Variants in RIMS2 observed in about 807,000 individuals in gnomAD.
RIMS2 encodes regulating synaptic membrane exocytosis 2, also known as regulating synaptic membrane exocytosis protein 2.
Under a neutral mutation model 174.4 loss-of-function variants are expected in RIMS2, and 59 were observed. The ratio of observed to expected loss-of-function variants is 0.34; its 90% CI spans 0.27 to 0.42. The LOEUF (loss-of-function observed/expected upper bound fraction) is 0.42. RIMS2 is among the 10% of genes least tolerant of loss of function. The pLI is 1.00. For missense variants in RIMS2, 1,620 were observed against 1,666.3 expected (o/e 0.97, Z 0.48); for synonymous variants, 606 against 572.5 (o/e 1.06, Z -0.84).
At chr8:104,072,278 A>T (rs1237382303) in intron 19 of RIMS2, among the ~76,000 whole-genome samples, 1 of 152,154 alleles carries the variant, frequency 6.6e-6, no homozygotes, top group Non-Finnish European at 1.5e-5. Context: ...AAAATTTTCA[A>T]CATCATTTCT....
intron 19 of RIMS2, among the ~76,000 whole-genome samples, chr8:104,125,545 T>C (rs1015283646): frequency 6.6e-6 from 1 of 152,166 alleles, no homozygotes; most frequent in Non-Finnish European, 1.5e-5. Flanking sequence ...TTGAGTAAAG[T>C]GTTAGTAAAT....
chr8:103,813,183 A>C (rs2098699371), intron 3 of RIMS2, among the ~76,000 whole-genome samples: 1 of 152,172 alleles, frequency 6.6e-6, no homozygotes, highest in African/African-American at 2.4e-5. Flanking sequence ...TGAAAACTAA[A>C]CCTAGCCTGT....
At chr8:103,741,801 C>T (rs943355549) in intron 2 of RIMS2, among the ~76,000 whole-genome samples, 3 of 151,982 alleles carry the variant, frequency 2.0e-5, no homozygotes, top group Non-Finnish European at 4.4e-5. Flanking sequence ...TTGAGCTTAT[C>T]GAAAATGTGA....
intron 1 of RIMS2, among the ~76,000 whole-genome samples, chr8:103,544,051 T>G (rs57621488): frequency 0.06 from 9,087 of 151,520 alleles, 907 homozygotes; most frequent in African/African-American, 0.21. Flanking sequence ...AGAAGATATT[T>G]GCAGACCATA....
chr8:103,518,933 A>C (rs1830321644), intron 1 of RIMS2, among the ~76,000 whole-genome samples: 1 of 152,106 alleles, frequency 6.6e-6, no homozygotes, highest in Non-Finnish European at 1.5e-5. Context: ...AATTTAAATA[A>C]TTAATTTTAT....
intron 3 of RIMS2, among the ~76,000 whole-genome samples, chr8:103,792,856 C>CAT (rs2098513284): frequency 2.0e-5 from 3 of 152,246 alleles, no homozygotes; most frequent in South Asian, 4.1e-4. Context: ...TTCCTGGACA[C>CAT]ATACACCTTC....
At chr8:103,610,560 A>G (rs2095332521) in intron 1 of RIMS2, among the ~76,000 whole-genome samples, 1 of 152,182 alleles carries the variant, frequency 6.6e-6, no homozygotes, top group Non-Finnish European at 1.5e-5. Flanking sequence ...AATTTTATCA[A>G]AAACCTTTCC....
intron 19 of RIMS2, among the ~76,000 whole-genome samples, chr8:104,113,024 C>A (rs1403225940): frequency 2.0e-5 from 3 of 152,106 alleles, no homozygotes; most frequent in African/African-American, 7.2e-5. Context: ...TCATACTTTT[C>A]TGCTAATGGT....
chr8:104,038,316 A>G (rs2096553246), intron 19 of RIMS2, among the ~76,000 whole-genome samples: 1 of 151,896 alleles, frequency 6.6e-6, no homozygotes, highest in African/African-American at 2.4e-5. Context: ...TTTTGTTTTT[A>G]CAAAGAAATT....
intron 19 of RIMS2, among the ~76,000 whole-genome samples, chr8:104,052,294 TA>T (rs1408169506): frequency 6.6e-6 from 1 of 152,154 alleles, no homozygotes; most frequent in Non-Finnish European, 1.5e-5. Context: ...TATAGAAAAT[TA>T]AAATGGATTT....
intron 19 of RIMS2, among the ~76,000 whole-genome samples, chr8:104,080,560 A>G (rs2097397618): frequency 6.6e-6 from 1 of 152,038 alleles, no homozygotes; most frequent in African/African-American, 2.4e-5. Flanking sequence ...ATTTTACATG[A>G]AGTAATTGAT....
chr8:104,225,497 T>C (rs2099181779), intron 19 of RIMS2, among the ~76,000 whole-genome samples: 1 of 152,216 alleles, frequency 6.6e-6, no homozygotes, highest in Non-Finnish European at 1.5e-5. Flanking sequence ...TTACACCAAG[T>C]CTTCAGTCTT....
At chr8:103,772,561 A>C (rs1183738554) in intron 3 of RIMS2, among the ~76,000 whole-genome samples, 1 of 152,140 alleles carries the variant, frequency 6.6e-6, no homozygotes, top group East Asian at 1.9e-4. Context: ...GGATCATACA[A>C]CTCAATATTG....
chr8:103,960,926 A>G (rs976638215), intron 14 of RIMS2, 139 bp from the exon 17 acceptor site: 62 of 645,482 alleles, frequency 9.6e-5, no homozygotes, highest in African/African-American at 8.9e-4. Flanking sequence ...CAAAAAGCTC[A>G]TAAGGACTTT....
chr8:103,709,263 G>A (rs898950528), intron 2 of RIMS2, among the ~76,000 whole-genome samples: 6 of 150,626 alleles, frequency 4.0e-5, no homozygotes, highest in East Asian at 1.9e-4. Context: ...TTATTGTTTC[G>A]ATATTCTCTT....
chr8:104,153,608 A>G (rs2098703458), intron 19 of RIMS2, among the ~76,000 whole-genome samples: 1 of 152,148 alleles, frequency 6.6e-6, no homozygotes, highest in Non-Finnish European at 1.5e-5. Flanking sequence ...CCAGTAGATC[A>G]AAGCTAAGGA....
intron 14 of RIMS2, among the ~76,000 whole-genome samples, chr8:103,947,688 A>G (rs1331547041): frequency 6.6e-6 from 1 of 152,216 alleles, no homozygotes. Context: ...AGGGTGAGTC[A>G]ATGAGCAACT....
chr8:103,567,621 A>C (rs1003081359), intron 1 of RIMS2, among the ~76,000 whole-genome samples: 11 of 152,204 alleles, frequency 7.2e-5, no homozygotes, highest in Admixed American at 3.3e-4. Context: ...AATGCTGTGA[A>C]CATTTATGTA....
At chr8:103,834,677 T>TTTCTTTCTTTCC (rs1468538450) in intron 3 of RIMS2, among the ~76,000 whole-genome samples, 5 of 5,498 alleles carry the variant, frequency 9.1e-4, no homozygotes, top group African/African-American at 3.4e-3. Context: ...CTGAGGTCTT[T>TTTCTTTCTTTCC]TTCTTTCTTT....
Sources: allele counts gnomAD v4.1 joint callset (sites outside exome capture counted in the v4.1 genomes callset), GRCh38; gene constraint gnomAD v4.1.1; transcripts MANE v1.5; gene names NCBI Gene and HGNC (gene_info 2026-07-23, HGNC 2026-07-21).